The following DYRK3 variants were observed in gnomAD, a reference collection of about 807,000 sequenced individuals.
DYRK3 encodes dual specificity tyrosine-phosphorylation-regulated kinase 3.
A neutral mutation model predicts 40.8 loss-of-function variants in DYRK3; 30 were observed. The ratio of observed to expected loss-of-function variants is 0.74; its 90% CI spans 0.55 to 1.00. The LOEUF (loss-of-function observed/expected upper bound fraction) is 1.00. DYRK3 is among the 50% of genes least tolerant of loss of function. DYRK3 has a pLI of 0.00. For synonymous variants in DYRK3, 272 were observed against 260.7 expected (o/e 1.04, Z -0.42); for missense variants, 699 against 731.5 (o/e 0.96, Z 0.51).
Position 206,651,295 on chromosome 1 carries a change from C to A in DYRK3, c.*2330C>A, listed in dbSNP as rs1553421283. ...TCTTTGGAAGTTGGTAGTCCAATGT[C>A]TGCTTCCCCGCATTAACCACATTGC... On this transcript the variant is annotated 3_prime_UTR_variant, in exon 3 of 3. Coordinates refer to ENST00000367109, the MANE Select transcript of DYRK3 (RefSeq NM_003582.4). Among the ~76,000 whole-genome samples, 1 of 152,224 alleles carries A rather than the reference C, an allele frequency of 6.6e-6. No homozygotes were observed. Among genetic ancestry groups the A allele is most frequent in the African/African-American group, 2.4e-5 (1 of 41,462 alleles).
chr1:206,636,832 G>A, intron 1 of DYRK3: 1 of 1,362,234 alleles, frequency 7.3e-7, no homozygotes, highest in Non-Finnish European at 1.0e-6. Context: ...GGGCCATCTT[G>A]TGGATTAAAT....
In DYRK3 at chr1:206,641,620, C is replaced by G. The variant is rs551348744; in HGVS notation, c.189+3859C>G. On this transcript the variant is annotated intron_variant, in intron 2 of 2. Transcript: ENST00000367109. ...CATCAGACTTGATATGTAATTGATT[C>G]AGGCCAGTATTTGAGTTATTTACAG... Among the ~76,000 whole-genome samples, 60 of 150,364 alleles carry G rather than the reference C, an allele frequency of 4.0e-4. 3 individuals carry two copies. Among genetic ancestry groups the G allele is most frequent in the African/African-American group, 1.5e-3 (60 of 40,222 alleles).
Position 206,654,842 on chromosome 1 carries a change from ACT to A in DYRK3, c.*5880_*5881del, listed in dbSNP as rs1671713395. Among the ~76,000 whole-genome samples, 1 of 152,062 alleles carries A rather than the reference ACT, an allele frequency of 6.6e-6. No homozygotes were observed. Among genetic ancestry groups the A allele is most frequent in the Non-Finnish European group, 1.5e-5 (1 of 68,018 alleles). ...CCACCCATCGCTAAGTCAAGCCTAG[ACT>A]CTAATATTTTTCTATAACAGGAGAA... On this transcript the variant is annotated 3_prime_UTR_variant, in exon 3 of 3. Coordinates refer to ENST00000367109, the MANE Select transcript of DYRK3 (RefSeq NM_003582.4).
At chr1:206,644,099 A>G (rs1274309856) in intron 2 of DYRK3, among the ~76,000 whole-genome samples, 10 of 141,108 alleles carry the variant, frequency 7.1e-5, no homozygotes, top group African/African-American at 2.1e-4. Flanking sequence ...CAGTGATGCA[A>G]TCTTGGCCCA....
intron 1 of DYRK3, among the ~76,000 whole-genome samples, chr1:206,636,575 G>A (rs1671118441): frequency 6.6e-6 from 1 of 152,136 alleles, no homozygotes. Flanking sequence ...AAAAATATTT[G>A]TAGCGGTTTT....
At chr1:206,645,204 T>C (rs1671415019) in intron 2 of DYRK3, among the ~76,000 whole-genome samples, 1 of 152,188 alleles carries the variant, frequency 6.6e-6, no homozygotes, top group South Asian at 2.1e-4. Context: ...TAAATACAAT[T>C]TTTGTTTTGC....
chr1:206,653,064 C>T lies in DYRK3; in HGVS notation c.*4099C>T, dbSNP rs1671672691. ...TGAGACAGAGTCTCGCTCTGTCGTCCAGGCTGGAGTGAAGTGGCGCAGTGT... is the reference window on the plus strand; with the variant it reads ...TGAGACAGAGTCTCGCTCTGTCGTCTAGGCTGGAGTGAAGTGGCGCAGTGT... On this transcript the variant is annotated 3_prime_UTR_variant, in exon 3 of 3. Transcript: ENST00000367109. 1.3e-5 allele frequency among the ~76,000 whole-genome samples: 2 copies of T among 152,046 alleles called. No homozygotes were observed. The highest frequency in any genetic ancestry group is 4.1e-4 in the South Asian group (2 of 4,820).
In DYRK3 at chr1:206,652,127, T is replaced by C. The variant is rs1671647097; in HGVS notation, c.*3162T>C. 6.6e-6 allele frequency among the ~76,000 whole-genome samples: 1 copy of C among 152,234 alleles called. No homozygotes were observed. The highest frequency in any genetic ancestry group is 1.5e-5 in the Non-Finnish European group (1 of 68,036). ...TAGGTGGCAGCAAGGCTATATCTGA[T>C]TGACACAGATCTGAAGTCTCTAACA... On this transcript the variant is annotated 3_prime_UTR_variant, in exon 3 of 3. Transcript: ENST00000367109.
chr1:206,649,034 A>G lies in DYRK3; in HGVS notation c.*69A>G, dbSNP rs201612172. On this transcript the variant is annotated 3_prime_UTR_variant, in exon 3 of 3. Coordinates refer to ENST00000367109, the MANE Select transcript of DYRK3 (RefSeq NM_003582.4). Reference sequence around the variant, plus strand: ...GATCTTACAAACCTGCAAATGGAAAAAATGCAAGCCCATTGGTGGATGTTT... The same window carrying G: ...GATCTTACAAACCTGCAAATGGAAAGAATGCAAGCCCATTGGTGGATGTTT... 5 of 1,460,394 alleles carry G rather than the reference A, an allele frequency of 3.4e-6. No individual in the cohort carries two copies. The highest frequency in any genetic ancestry group is 1.4e-5 in the African/African-American group (1 of 71,010). 90.5% of individuals were successfully genotyped at this position (1,460,394 alleles called of 1,614,324 possible). A position where few individuals can be genotyped will look rare whatever the true frequency, so the allele number is the denominator to read the frequency against.
rs1405579631 is a variant in DYRK3, at chr1:206,647,864, G to T, written c.666G>T (p.Gln222His). Residue 222 changes from glutamine to histidine, a missense_variant, in exon 3 of 3, where the codon CAG becomes CAT. Physicochemically the swap from Gln to His is conservative, Grantham distance 24. Transcript: ENST00000367109. ...TTATTGGCAAGGGGAGTTTTGGGCA[G>T]GTGGCCAGGGTCTATGATCACAAAC... is the stretch of plus-strand genomic sequence containing the variant. ...LKIIGKGSFG[Q>H]VARVYDHKLR... The T allele has an allele frequency of 5.0e-6, 8 of 1,613,970 alleles. No homozygotes were observed. The African/African-American group carries it at 9.3e-5, about 19-fold the overall frequency.
chr1:206,648,930 C>A lies in DYRK3; in HGVS notation c.1732C>A (p.Pro578Thr), dbSNP rs1553420916. Reference sequence around the variant, plus strand: ...AATGTCAGAAACCAATGGTAGTATACCCCTATGCAGTGTATTGCCAAAACT... The same window carrying A: ...AATGTCAGAAACCAATGGTAGTATAACCCTATGCAGTGTATTGCCAAAACT... ...NLMSETNGSI[P>T]LCSVLPKLIS The change falls in exon 3 of 3, where the codon CCC (proline) becomes ACC (threonine). Residue 578 changes from proline to threonine, a missense_variant. By Grantham distance (38) the Pro-to-Thr change is conservative (BLOSUM62 -1). Coordinates refer to ENST00000367109, the MANE Select transcript of DYRK3 (RefSeq NM_003582.4). The A allele has an allele frequency of 1.2e-6, 2 of 1,613,810 alleles. No homozygotes were observed. The highest frequency in any genetic ancestry group is 2.7e-5 in the African/African-American group (2 of 74,904).
chr1:206,635,916 C>T (rs1671091168), intron 1 of DYRK3, 136 bp downstream of exon 1: 1 of 1,297,864 alleles, frequency 7.7e-7, no homozygotes, highest in Non-Finnish European at 9.8e-7. Context: ...ACTGCCTCCC[C>T]GGGACCGCCC....
In DYRK3 at chr1:206,635,591, C is replaced by T. The variant is rs1553418119; in HGVS notation, c.-113C>T. On this transcript the variant is annotated 5_prime_UTR_variant, in exon 1 of 3. Coordinates refer to ENST00000367109, the MANE Select transcript of DYRK3 (RefSeq NM_003582.4). The stretch of plus-strand genomic sequence containing the variant: ...AGTGCGCTGAGCTGCAGTGTCTGGT[C>T]GAGAGTACCCGTGGGAGCGTCGCGC... 8.3e-7 allele frequency: 1 copy of T among 1,201,490 alleles called. No homozygotes were observed. Among genetic ancestry groups the T allele is most frequent in the Non-Finnish European group, 1.0e-6 (1 of 959,068 alleles). 74.4% of individuals were successfully genotyped at this position (1,201,490 alleles called of 1,614,324 possible).
At chr1:206,636,818 T>C in intron 1 of DYRK3, 1 of 1,169,300 alleles carries the variant, frequency 8.6e-7, no homozygotes, top group Non-Finnish European at 1.2e-6. Flanking sequence ...AAATACATTA[T>C]TCAGGGCCAT....
chr1:206,648,543 C>T lies in DYRK3; in HGVS notation c.1345C>T (p.Pro449Ser), dbSNP rs1553420761. The change falls in exon 3 of 3, where the codon CCC (proline) becomes TCC (serine). Residue 449 changes from proline to serine, a missense_variant. Coordinates refer to ENST00000367109, the MANE Select transcript of DYRK3 (RefSeq NM_003582.4). Reference protein sequence around the residue: ...AKYFINSKGIPRYCSVTTQAD... With the variant: ...AKYFINSKGISRYCSVTTQAD... ...GTACTTTATTAATTCCAAGGGCATA[C>T]CCCGCTACTGCTCTGTGACTACCCA... 5.6e-6 allele frequency: 9 copies of T among 1,614,144 alleles called. No individual in the cohort carries two copies. The East Asian group carries it at 8.9e-5, about 16-fold the overall frequency.
At chr1:206,636,371 G>A in intron 1 of DYRK3, 1 of 168,264 alleles carries the variant, frequency 5.9e-6, no homozygotes, top group Non-Finnish European at 1.3e-5. Flanking sequence ...TCCTCTGGCT[G>A]TTAGTCACTA....
intron 2 of DYRK3, among the ~76,000 whole-genome samples, chr1:206,642,462 A>T (rs1305961359): frequency 7.9e-5 from 12 of 152,214 alleles, no homozygotes; most frequent in Non-Finnish European, 1.6e-4. Flanking sequence ...TCATGCTGCT[A>T]TAAAGACACA....
rs1166815200 is a variant in DYRK3, at chr1:206,652,491, T to C, written c.*3526T>C. Among the ~76,000 whole-genome samples the C allele has an allele frequency of 6.6e-6, 1 of 152,180 alleles. No homozygotes were observed. Among genetic ancestry groups the C allele is most frequent in the Non-Finnish European group, 1.5e-5 (1 of 68,040 alleles). ...TAAGGGAAAGTGTATAGACAACTCATTACACTGTAGACAGATTTTAGAAAG... is the reference window on the plus strand; with the variant it reads ...TAAGGGAAAGTGTATAGACAACTCACTACACTGTAGACAGATTTTAGAAAG... On this transcript the variant is annotated 3_prime_UTR_variant, in exon 3 of 3. Coordinates refer to ENST00000367109, the MANE Select transcript of DYRK3 (RefSeq NM_003582.4).
rs1671650089 is a variant in DYRK3, at chr1:206,652,244, C to T, written c.*3279C>T. On this transcript the variant is annotated 3_prime_UTR_variant, in exon 3 of 3. Transcript: ENST00000367109. ...AGAGCATATGTTGAGGTTGTTTTGC[C>T]AGTTGTTATCAGTGTTGAAGAACTG... 1.3e-5 allele frequency among the ~76,000 whole-genome samples: 2 copies of T among 152,134 alleles called. No homozygotes were observed. Among genetic ancestry groups the T allele is most frequent in the South Asian group, 4.1e-4 (2 of 4,826 alleles).
Sources: gnomAD v4.1 joint callset for allele counts (sites outside exome capture counted in the v4.1 genomes callset) on GRCh38, gnomAD v4.1.1 for gene constraint, MANE v1.5 for transcripts, NCBI Gene and HGNC (gene_info 2026-07-23, HGNC 2026-07-21) for gene names.